RASGRF2: variants seen among roughly 807,000 people sequenced by gnomAD.
RASGRF2 encodes the protein Ras protein specific guanine nucleotide releasing factor 2.
RASGRF2 carries 76 observed loss-of-function variants against 151.0 expected under a neutral mutation model. The ratio of observed to expected loss-of-function variants is 0.50; its 90% confidence interval spans 0.42 to 0.61. The LOEUF is 0.61. Ranked by LOEUF, RASGRF2 falls within the 20% of genes least tolerant of loss-of-function variation. The probability of loss-of-function intolerance (pLI) is 0.00; values close to 1 mark genes in which losing one functional copy is unlikely to be tolerated. For missense variants in RASGRF2, 1,148 were observed against 1,564.6 expected (o/e 0.73, Z 4.49); for synonymous variants, 504 against 566.5 (o/e 0.89, Z 1.57).
At chr5:81,037,685 G>C (rs951731927) in intron 1 of RASGRF2, among the ~76,000 whole-genome samples, 8 of 152,142 alleles carry the variant, frequency 5.3e-5, no homozygotes, top group African/African-American at 1.9e-4. Context: ...GATTACAAAT[G>C]AGGCAAAAAA....
At chr5:81,148,949 A>G (rs1036194406) in intron 17 of RASGRF2, among the ~76,000 whole-genome samples, 5 of 152,170 alleles carry the variant, frequency 3.3e-5, no homozygotes, top group African/African-American at 1.2e-4. Flanking sequence ...TTAAAACCAC[A>G]AAGAGAGACC....
At chr5:81,083,871 A>G (rs1205520449) in intron 7 of RASGRF2, among the ~76,000 whole-genome samples, 1 of 152,250 alleles carries the variant, frequency 6.6e-6, no homozygotes, top group East Asian at 1.9e-4. Context: ...TAATGTCTAT[A>G]AAGTGACAAG....
intron 21 of RASGRF2, among the ~76,000 whole-genome samples, chr5:81,207,600 C>G (rs564536164): frequency 5.9e-5 from 9 of 152,166 alleles, no homozygotes; most frequent in Non-Finnish European, 1.3e-4. Flanking sequence ...AGAGTAATTT[C>G]GAGTGTTTTT....
At position 81,206,854 on chromosome 5, in the gene RASGRF2, ACAAGATGAC is replaced by A. The variant is rs958124276; in HGVS notation, c.2926_2934del (p.Gln976_Asp978del). On this transcript the variant is annotated inframe_deletion, in exon 20 of 27. Transcript: ENST00000265080. Reference sequence around the variant, plus strand: ...TTGATATCTTTTTCAGGGCCCTTTCACAAGATGACCAAGATGACATCCACCTAAAATTAG... The same window carrying A: ...TTGATATCTTTTTCAGGGCCCTTTCACAAGATGACATCCACCTAAAATTAG... The A allele has an allele frequency of 1.9e-6, 3 of 1,610,150 alleles. No individual in the cohort carries two copies. The highest frequency in any genetic ancestry group is 2.5e-6 in the Non-Finnish European group (3 of 1,176,504).
At chr5:81,058,505 G>C (rs1751303454) in intron 2 of RASGRF2, among the ~76,000 whole-genome samples, 2 of 152,168 alleles carry the variant, frequency 1.3e-5, no homozygotes, top group South Asian at 4.1e-4. Flanking sequence ...GCAGAGTTGG[G>C]GGGATACCCC....
chr5:81,189,434 G>C (rs1357741220), intron 18 of RASGRF2, among the ~76,000 whole-genome samples: 1 of 152,062 alleles, frequency 6.6e-6, no homozygotes, highest in Non-Finnish European at 1.5e-5. Flanking sequence ...TGAGTTGTCT[G>C]CTGCTTCAGC....
chr5:81,053,215 T>A (rs1751073459), intron 2 of RASGRF2, among the ~76,000 whole-genome samples: 1 of 151,782 alleles, frequency 6.6e-6, no homozygotes, highest in African/African-American at 2.4e-5. Context: ...CATGTTGGTG[T>A]GCTGCACCCA....
chr5:81,031,130 G>T (rs2112361495), intron 1 of RASGRF2, among the ~76,000 whole-genome samples: 1 of 152,272 alleles, frequency 6.6e-6, no homozygotes, highest in South Asian at 2.1e-4. Context: ...CCCAATCCAG[G>T]AGCACCCAGA....
At chr5:81,187,215 A>G (rs569254827) in intron 18 of RASGRF2, among the ~76,000 whole-genome samples, 1 of 152,200 alleles carries the variant, frequency 6.6e-6, no homozygotes, top group Admixed American at 6.5e-5. Flanking sequence ...GTTCTATGTC[A>G]TGGTGCCCAG....
chr5:81,180,582 G>A (rs1754892779), intron 18 of RASGRF2, among the ~76,000 whole-genome samples: 1 of 152,116 alleles, frequency 6.6e-6, no homozygotes, highest in African/African-American at 2.4e-5. Flanking sequence ...CAAGGCCTCT[G>A]TGCTGTGCCA....
chr5:81,143,869 G>A (rs540404285), intron 17 of RASGRF2, among the ~76,000 whole-genome samples: 2 of 148,424 alleles, frequency 1.3e-5, no homozygotes, highest in South Asian at 2.2e-4. Context: ...CAGCCTGGGC[G>A]ACAGAGTGAA....
chr5:81,003,059 TA>T (rs1238132035), intron 1 of RASGRF2, among the ~76,000 whole-genome samples: 3 of 147,434 alleles, frequency 2.0e-5, no homozygotes, highest in African/African-American at 7.5e-5. Flanking sequence ...ACAAAGAGAC[TA>T]TTTTTTTTGA....
chr5:81,226,033 A>C lies in RASGRF2; in HGVS notation c.*263A>C. The C allele has an allele frequency of 2.9e-6, 1 of 340,602 alleles. No individual in the cohort carries two copies. Among genetic ancestry groups the C allele is most frequent in the African/African-American group, 2.1e-5 (1 of 46,686 alleles). 21.1% of individuals were successfully genotyped at this position (340,602 alleles called of 1,614,324 possible). ...TTTACATAAGGGAATGTCAGATGGGAGATGCTAGTTGCCATTTTAACAAAG... is the reference window on the plus strand; with the variant it reads ...TTTACATAAGGGAATGTCAGATGGGCGATGCTAGTTGCCATTTTAACAAAG... On this transcript the variant is annotated 3_prime_UTR_variant, in exon 27 of 27. Coordinates refer to ENST00000265080, the MANE Select transcript of RASGRF2 (RefSeq NM_006909.3).
chr5:80,980,620 C>T (rs142444708), intron 1 of RASGRF2, among the ~76,000 whole-genome samples: 2,203 of 151,866 alleles, frequency 0.015, 74 homozygotes, highest in African/African-American at 0.051. Context: ...CTAGCCTGGG[C>T]GACTGAGCCA....
chr5:80,993,908 G>T (rs1279245243), intron 1 of RASGRF2, among the ~76,000 whole-genome samples: 3 of 152,130 alleles, frequency 2.0e-5, no homozygotes, highest in Non-Finnish European at 4.4e-5. Context: ...GCCTCCAGGG[G>T]CACAGATGGG....
chr5:81,071,759 C>T (rs1751784028), intron 4 of RASGRF2, among the ~76,000 whole-genome samples: 1 of 151,770 alleles, frequency 6.6e-6, no homozygotes, highest in African/African-American at 2.4e-5. Flanking sequence ...TATTGCCTTT[C>T]CTTTAATAGT....
intron 1 of RASGRF2, among the ~76,000 whole-genome samples, chr5:80,974,416 G>A (rs537977972): frequency 2.6e-5 from 4 of 152,192 alleles, no homozygotes; most frequent in African/African-American, 4.8e-5. Context: ...TAGCTACAGC[G>A]CCCTAGTGAA....
intron 1 of RASGRF2, among the ~76,000 whole-genome samples, chr5:81,006,503 G>T (rs780647329): frequency 1.3e-5 from 2 of 152,166 alleles, no homozygotes; most frequent in African/African-American, 4.8e-5. Context: ...CAGAGATAAG[G>T]CTGTAAGTGT....
intron 18 of RASGRF2, among the ~76,000 whole-genome samples, chr5:81,187,847 C>T (rs537167630): frequency 6.6e-6 from 1 of 152,168 alleles, no homozygotes; most frequent in Non-Finnish European, 1.5e-5. Flanking sequence ...GGGGCGGCTT[C>T]TAAATTTTTT....
Sources: gnomAD v4.1 joint callset for allele counts (sites outside exome capture counted in the v4.1 genomes callset) on GRCh38, gnomAD v4.1.1 for gene constraint, MANE v1.5 for transcripts, NCBI Gene and HGNC (gene_info 2026-07-23, HGNC 2026-07-21) for gene names.